Variants in REV1 observed in about 807,000 individuals in gnomAD.
REV1 encodes the protein translesion synthesis protein REV1.
In REV1, 42 loss-of-function variants were observed where a neutral mutation model predicts 137.4. That is an observed-to-expected ratio of 0.31 (90% CI 0.24 to 0.40). The LOEUF is 0.40. REV1 is among the 10% of genes least tolerant of loss of function. The probability of loss-of-function intolerance (pLI) is 1.00; values close to 1 mark genes in which losing one functional copy is unlikely to be tolerated. For missense variants in REV1, 1,282 were observed against 1,490.1 expected (o/e 0.86, Z 2.30); for synonymous variants, 524 against 519.2 (o/e 1.01, Z -0.12).
chr2:99,414,842 G>C (rs1427049801), intron 12 of REV1, among the ~76,000 whole-genome samples: 1 of 152,200 alleles, frequency 6.6e-6, no homozygotes, highest in East Asian at 1.9e-4. Flanking sequence ...ATCCTGGGTT[G>C]TGTTAGTGTG....
intron 8 of REV1, among the ~76,000 whole-genome samples, chr2:99,433,920 C>T (rs371883530): frequency 2.6e-4 from 40 of 151,970 alleles, no homozygotes; most frequent in African/African-American, 9.4e-4. Flanking sequence ...AGAATGATTA[C>T]TGGTGTTTAC....
chr2:99,413,990 A>G (rs1320059376), intron 12 of REV1, among the ~76,000 whole-genome samples: 1 of 152,120 alleles, frequency 6.6e-6, no homozygotes, highest in East Asian at 1.9e-4. Flanking sequence ...CCGTCTCTAT[A>G]AAATAGAAAA....
Position 99,423,074 on chromosome 2 carries a change from TATA to T in REV1, c.1676+1075_1676+1077del, listed in dbSNP as rs1232948060. Among the ~76,000 whole-genome samples the T allele has an allele frequency of 3.3e-5, 5 of 152,330 alleles. No homozygotes were observed. In the East Asian group the frequency reaches 9.6e-4, roughly 29 times the overall value. ...GTTCTCTTTGTGTTAATAGAATAGC[TATA>T]ATAAGTGTCTTATCATTCAGCACTC... is the stretch of plus-strand genomic sequence containing the variant. On this transcript the variant is annotated intron_variant, in intron 10 of 22. Coordinates refer to ENST00000258428, the MANE Select transcript of REV1 (RefSeq NM_016316.4).
intron 1 of REV1, among the ~76,000 whole-genome samples, chr2:99,471,006 T>C (rs9308823): frequency 0.18 from 26,741 of 152,234 alleles, 3,084 homozygotes; most frequent in African/African-American, 0.32. Context: ...TTACTGAATG[T>C]AGTTACAAAT....
At chr2:99,422,338 C>T (rs960004108) in intron 10 of REV1, among the ~76,000 whole-genome samples, 3 of 152,144 alleles carry the variant, frequency 2.0e-5, no homozygotes, top group Non-Finnish European at 2.9e-5. Flanking sequence ...CATGCTAATA[C>T]GAGGACTAAG....
At chr2:99,488,557 T>TGCCAAATCA (rs1687334110) in intron 1 of REV1, among the ~76,000 whole-genome samples, 1 of 49,770 alleles carries the variant, frequency 2.0e-5, no homozygotes, top group African/African-American at 6.7e-5. Context: ...GAAGAGAGCC[T>TGCCAAATCA]TGTATACTGG....
chr2:99,449,525 T>A, intron 3 of REV1, 21 bp from the exon 4 acceptor site: 1 of 1,324,030 alleles, frequency 7.6e-7, no homozygotes, highest in Non-Finnish European at 1.0e-6. Context: ...TATATTAAAA[T>A]ATATTAAGAG....
intron 19 of REV1, chr2:99,403,479 A>C (rs1176899306): frequency 1.6e-6 from 1 of 644,050 alleles, no homozygotes; most frequent in Non-Finnish European, 2.6e-6. Context: ...TTAAAAAGTA[A>C]AAAGTGGTGT....
intron 8 of REV1, 88 bp downstream of exon 8, chr2:99,434,244 A>T (rs1680456099): frequency 1.4e-6 from 1 of 736,762 alleles, no homozygotes; most frequent in Non-Finnish European, 2.2e-6. Context: ...ACAACTCTGC[A>T]CTCATTTCTA....
chr2:99,449,059 A>G (rs1682595162), intron 4 of REV1, among the ~76,000 whole-genome samples: 1 of 152,132 alleles, frequency 6.6e-6, no homozygotes, highest in African/African-American at 2.4e-5. Context: ...AGGCTGGAGG[A>G]CTGTTTGAGT....
At chr2:99,471,657 G>C (rs1372093800) in intron 1 of REV1, among the ~76,000 whole-genome samples, 1 of 151,834 alleles carries the variant, frequency 6.6e-6, no homozygotes, top group Non-Finnish European at 1.5e-5. Context: ...AATCATATCT[G>C]ATAAGGGGTT....
In REV1 at chr2:99,402,708, T is replaced by C; in HGVS notation, c.3477A>G (p.Leu1159=). ...CATCATTGAATTCAACAGCTCCAGCTAGATTGGGTGCTGGAGGTCTCACAC... is the reference window on the plus strand; with the variant it reads ...CATCATTGAATTCAACAGCTCCAGCCAGATTGGGTGCTGGAGGTCTCACAC... The part of the protein sequence containing the change: ...AGCVRPPAPN[L]AGAVEFNDVK... Residue 1159 remains leucine (L), a synonymous_variant, in exon 21 of 23, where the codon CTA becomes CTG. Transcript: ENST00000258428. 5 of 1,614,024 alleles carry C rather than the reference T, an allele frequency of 3.1e-6. No homozygotes were observed. Among genetic ancestry groups the C allele is most frequent in the East Asian group, 2.2e-5 (1 of 44,888 alleles).
In REV1 at chr2:99,429,961, A is replaced by T; in HGVS notation, c.1439-13T>A. On this transcript the variant is annotated splice_polypyrimidine_tract_variant and intron_variant, in intron 8 of 22. Coordinates refer to ENST00000258428, the MANE Select transcript of REV1 (RefSeq NM_016316.4). The stretch of plus-strand genomic sequence containing the variant: ...TCTGGTATATCTGCTTTAAAAATAA[A>T]AAAAAATTAATGGTTATATGTTATA... 2 of 1,496,528 alleles carry T rather than the reference A, an allele frequency of 1.3e-6. No individual in the cohort carries two copies. The highest frequency in any genetic ancestry group is 2.5e-5 in the South Asian group (2 of 80,210). 92.7% of individuals were successfully genotyped at this position (1,496,528 alleles called of 1,614,324 possible).
At chr2:99,488,859 C>T (rs947545700) in intron 1 of REV1, among the ~76,000 whole-genome samples, 8 of 152,234 alleles carry the variant, frequency 5.3e-5, no homozygotes, top group Non-Finnish European at 1.2e-4. Flanking sequence ...CAGACTGTTA[C>T]ATAAAGTCCT....
chr2:99,414,119 C>T (rs1350396750), intron 12 of REV1, among the ~76,000 whole-genome samples: 1 of 152,192 alleles, frequency 6.6e-6, no homozygotes, highest in East Asian at 1.9e-4. Flanking sequence ...CCTGCCATTC[C>T]ATTCCAGCCT....
intron 3 of REV1, among the ~76,000 whole-genome samples, chr2:99,458,097 T>C (rs1166083203): frequency 3.3e-5 from 5 of 152,156 alleles, no homozygotes; most frequent in African/African-American, 7.2e-5. Context: ...AAGATCAACA[T>C]ATCAGATCTC....
chr2:99,417,745 C>T (rs948233630), intron 12 of REV1, among the ~76,000 whole-genome samples: 1 of 152,140 alleles, frequency 6.6e-6, no homozygotes, highest in Non-Finnish European at 1.5e-5. Context: ...TGTTATGGCA[C>T]CCCTAGAAAA....
chr2:99,410,397 C>T (rs997721784), intron 14 of REV1, among the ~76,000 whole-genome samples: 5 of 152,192 alleles, frequency 3.3e-5, no homozygotes, highest in Non-Finnish European at 7.3e-5. Context: ...TCCCTTTGGT[C>T]TGCAGCCTTG....
chr2:99,465,099 A>AAAGTC (rs28369942), intron 1 of REV1, 114 bp from the exon 2 acceptor site: 474,405 of 852,336 alleles, frequency 0.56, 138,195 homozygotes, highest in African/African-American at 0.74. Context: ...CCAACTGATG[A>AAAGTC]AAGTATACAA....
Sources: gnomAD v4.1 joint callset for allele counts (sites outside exome capture counted in the v4.1 genomes callset) on GRCh38, gnomAD v4.1.1 for gene constraint, MANE v1.5 for transcripts, NCBI Gene and HGNC (gene_info 2026-07-23, HGNC 2026-07-21) for gene names.